Variants in PHACTR3 observed in about 807,000 individuals in gnomAD.
PHACTR3 encodes the protein phosphatase and actin regulator 3.
A neutral mutation model predicts 66.8 loss-of-function variants in PHACTR3; 16 were observed. The observed-to-expected ratio is 0.24, with a 90% CI of 0.16 to 0.36. PHACTR3 has a LOEUF of 0.36. PHACTR3 is among the 10% of genes least tolerant of loss of function. PHACTR3 has a pLI of 1.00. For synonymous variants in PHACTR3, 323 were observed against 292.1 expected, an observed-to-expected ratio of 1.11 and a Z score of -1.08; for missense variants, 647 against 719.9, an observed-to-expected ratio of 0.90 and a Z score of 1.16.
intron 5 of PHACTR3, among the ~76,000 whole-genome samples, chr20:59,772,241 G>A (rs2040384977): frequency 6.6e-6 from 1 of 152,192 alleles, no homozygotes; most frequent in Non-Finnish European, 1.5e-5. Flanking sequence ...TGTCATTGAT[G>A]GAAGGAGGGG....
chr20:59,640,992 A>G (rs1009437409), intron 1 of PHACTR3, among the ~76,000 whole-genome samples: 1 of 152,188 alleles, frequency 6.6e-6, no homozygotes, highest in African/African-American at 2.4e-5. Context: ...ATCTATATAA[A>G]TATAGATACA....
chr20:59,763,600 T>C (rs1250128125), intron 4 of PHACTR3, among the ~76,000 whole-genome samples: 2 of 152,204 alleles, frequency 1.3e-5, no homozygotes, highest in Admixed American at 1.3e-4. Context: ...ACTGGTAACA[T>C]ATGAGTCTGG....
intron 7 of PHACTR3, among the ~76,000 whole-genome samples, chr20:59,792,984 A>G (rs781771078): frequency 5.3e-5 from 8 of 152,310 alleles, no homozygotes; most frequent in African/African-American, 1.4e-4. Flanking sequence ...TCTTGGGCTC[A>G]AGTGATCCTC....
intron 1 of PHACTR3, among the ~76,000 whole-genome samples, chr20:59,584,828 G>A (rs946593790): frequency 5.3e-5 from 8 of 152,038 alleles, no homozygotes; most frequent in Non-Finnish European, 2.9e-5. Context: ...CCCCTATTCC[G>A]GGGGGATCTT....
At chr20:59,756,386 C>T (rs1036063890) in intron 4 of PHACTR3, among the ~76,000 whole-genome samples, 12 of 152,188 alleles carry the variant, frequency 7.9e-5, no homozygotes, top group African/African-American at 2.7e-4. Flanking sequence ...TGCTTCAGAG[C>T]GGGTGGACAC....
At chr20:59,610,950 A>C (rs572172504) in intron 1 of PHACTR3, among the ~76,000 whole-genome samples, 3 of 152,370 alleles carry the variant, frequency 2.0e-5, no homozygotes, top group Admixed American at 2.0e-4. Flanking sequence ...TCCTATCCAC[A>C]CAGAACTCAT....
intron 2 of PHACTR3, among the ~76,000 whole-genome samples, chr20:59,744,424 G>C (rs1199871059): frequency 6.6e-6 from 1 of 152,216 alleles, no homozygotes; most frequent in South Asian, 2.1e-4. Flanking sequence ...ATTAGTGAGG[G>C]AGCTGCTGCT....
chr20:59,701,681 C>T (rs1376704827), intron 1 of PHACTR3, among the ~76,000 whole-genome samples: 1 of 152,194 alleles, frequency 6.6e-6, no homozygotes, highest in African/African-American at 2.4e-5. Context: ...TAACGTGTTG[C>T]ATTGTGTGCA....
At position 59,760,592 on chromosome 20, in the gene PHACTR3, C is replaced by T. The variant is rs138848078; in HGVS notation, c.541+5228C>T. On this transcript the variant is annotated intron_variant, in intron 4 of 12. Transcript: ENST00000371015. ...CATGTAAGATGTGCGTTTCGCCTTCCGCCATGATTGTGAGGCCTCCCCAGC... is the reference window on the plus strand; with the variant it reads ...CATGTAAGATGTGCGTTTCGCCTTCTGCCATGATTGTGAGGCCTCCCCAGC... Among the ~76,000 whole-genome samples, 995 of 152,272 alleles carry T rather than the reference C, an allele frequency of 6.5e-3. 13 individuals are homozygous for T. Among genetic ancestry groups the T allele is most frequent in the African/African-American group, 0.023 (941 of 41,532 alleles).
intron 4 of PHACTR3, among the ~76,000 whole-genome samples, chr20:59,761,463 C>A (rs1045789213): frequency 6.6e-6 from 1 of 152,182 alleles, no homozygotes; most frequent in African/African-American, 2.4e-5. Context: ...CTCACCACAT[C>A]CATCCTTGGG....
intron 1 of PHACTR3, among the ~76,000 whole-genome samples, chr20:59,682,136 T>C (rs1267166896): frequency 2.6e-5 from 4 of 152,138 alleles, no homozygotes; most frequent in African/African-American, 9.7e-5. Context: ...GGCCAGGAGT[T>C]CGAGGCCAGC....
chr20:59,689,933 C>T (rs2146575475), intron 1 of PHACTR3, among the ~76,000 whole-genome samples: 1 of 152,292 alleles, frequency 6.6e-6, no homozygotes, highest in African/African-American at 2.4e-5. Context: ...CAGATGCATC[C>T]TGAGCCTTCC....
intron 5 of PHACTR3, 40 bp downstream of exon 5, chr20:59,767,435 C>G (rs1253884358): frequency 2.0e-5 from 31 of 1,579,040 alleles, no homozygotes; most frequent in African/African-American, 2.7e-5. Context: ...TTTCCTTTCT[C>G]TGCCCCATCC....
intron 1 of PHACTR3, among the ~76,000 whole-genome samples, chr20:59,629,334 G>T (rs1213415710): frequency 6.6e-6 from 1 of 152,212 alleles, no homozygotes; most frequent in Non-Finnish European, 1.5e-5. Context: ...TTCCCAGGAA[G>T]GCCCTGGCTG....
intron 7 of PHACTR3, among the ~76,000 whole-genome samples, chr20:59,790,680 G>A (rs906717715): frequency 6.6e-6 from 1 of 152,190 alleles, no homozygotes; most frequent in Non-Finnish European, 1.5e-5. Context: ...ACAGCATATT[G>A]CAAAGTAGTG....
intron 5 of PHACTR3, among the ~76,000 whole-genome samples, chr20:59,771,149 A>G (rs1214927634): frequency 6.6e-6 from 1 of 152,170 alleles, no homozygotes; most frequent in Non-Finnish European, 1.5e-5. Flanking sequence ...TCCCAGCTCC[A>G]CCAAGCTGAG....
chr20:59,836,360 A>C, intron 8 of PHACTR3, 145 bp from the exon 9 acceptor site: 1 of 653,924 alleles, frequency 1.5e-6, no homozygotes, highest in East Asian at 3.2e-5. Context: ...GCAAGAGGCA[A>C]CAACCAAAGG....
chr20:59,591,148 G>A (rs2033172431), intron 1 of PHACTR3, among the ~76,000 whole-genome samples: 1 of 152,172 alleles, frequency 6.6e-6, no homozygotes, highest in African/African-American at 2.4e-5. Context: ...GCAGCGCCAG[G>A]GATGAGGCAG....
chr20:59,774,542 G>C, intron 7 of PHACTR3, 52 bp downstream of exon 7: 1 of 1,574,686 alleles, frequency 6.4e-7, no homozygotes, highest in South Asian at 1.2e-5. Flanking sequence ...GAGGTCTAGT[G>C]TCACCAGGGG....
Sources: gnomAD v4.1 joint callset for allele counts (sites outside exome capture counted in the v4.1 genomes callset) on GRCh38, gnomAD v4.1.1 for gene constraint, MANE v1.5 for transcripts, NCBI Gene and HGNC (gene_info 2026-07-23, HGNC 2026-07-21) for gene names.